NKAIN2: variants seen among roughly 807,000 people sequenced by gnomAD.
NKAIN2 encodes the protein sodium/potassium transporting ATPase interacting 2, also known as sodium/potassium-transporting ATPase subunit beta-1-interacting protein 2.
Under a neutral mutation model 32.6 loss-of-function variants are expected in NKAIN2, and 14 were observed. That is an observed-to-expected ratio of 0.43 (90% confidence interval 0.28 to 0.67). The LOEUF (loss-of-function observed/expected upper bound fraction) is 0.67. Ranked by LOEUF, NKAIN2 falls within the 30% of genes least tolerant of loss-of-function variation. The pLI, the probability that NKAIN2 is intolerant of heterozygous loss-of-function variation, is 0.17. For missense variants in NKAIN2, 198 were observed against 258.3 expected (o/e 0.77, Z 1.60); for synonymous variants, 80 against 87.2 (o/e 0.92, Z 0.46).
chr6:124,452,114 G>A (rs1776131359), intron 3 of NKAIN2, among the ~76,000 whole-genome samples: 1 of 151,344 alleles, frequency 6.6e-6, no homozygotes, highest in African/African-American at 2.4e-5. Context: ...AGGACCACTT[G>A]AGCCTGGGAG....
intron 1 of NKAIN2, among the ~76,000 whole-genome samples, chr6:124,022,191 A>G (rs1459221663): frequency 1.3e-5 from 2 of 152,068 alleles, no homozygotes; most frequent in African/African-American, 4.8e-5. Context: ...GATGATTTCC[A>G]GCTTCATCCA....
intron 2 of NKAIN2, among the ~76,000 whole-genome samples, chr6:124,316,465 C>T (rs1370999430): frequency 1.3e-5 from 2 of 152,052 alleles, no homozygotes; most frequent in Non-Finnish European, 2.9e-5. Context: ...GATATAACCG[C>T]ATTTCTCATT....
intron 3 of NKAIN2, among the ~76,000 whole-genome samples, chr6:124,604,394 T>C (rs1356555145): frequency 6.6e-6 from 1 of 152,052 alleles, no homozygotes; most frequent in Non-Finnish European, 1.5e-5. Flanking sequence ...ATTTATGTTT[T>C]ATCTACATAT....
At chr6:124,342,414 A>C (rs1043684383) in intron 2 of NKAIN2, among the ~76,000 whole-genome samples, 17 of 151,092 alleles carry the variant, frequency 1.1e-4, no homozygotes, top group African/African-American at 3.9e-4. Context: ...ATCTCAAAAA[A>C]AAAAAAAACA....
At chr6:124,614,086 C>T (rs950187595) in intron 3 of NKAIN2, among the ~76,000 whole-genome samples, 63 of 152,112 alleles carry the variant, frequency 4.1e-4, no homozygotes, top group African/African-American at 1.4e-3. Flanking sequence ...TTTTTCTCCT[C>T]TCTTATTTTT....
chr6:123,949,274 T>A lies in NKAIN2; in HGVS notation c.54+145020T>A, dbSNP rs529257423. ...TTGTTCTTTTTGCTCAGGATTTCTT[T>A]GGCTATGCAGGGTCTTTTTGGTTTC... On this transcript the variant is annotated intron_variant, in intron 1 of 6. Coordinates refer to ENST00000368417, the MANE Select transcript of NKAIN2 (RefSeq NM_001040214.3). Among the ~76,000 whole-genome samples the A allele has an allele frequency of 3.9e-5, 6 of 152,192 alleles. No homozygotes were observed. The South Asian group carries it at 1.2e-3, about 32-fold the overall frequency.
At chr6:124,396,593 C>T (rs1192898029) in intron 3 of NKAIN2, among the ~76,000 whole-genome samples, 1 of 151,966 alleles carries the variant, frequency 6.6e-6, no homozygotes, top group Non-Finnish European at 1.5e-5. Flanking sequence ...TGTCATTCTG[C>T]CTTACTTAAA....
Position 124,283,108 on chromosome 6 carries a change from G to T in NKAIN2, c.158G>T (p.Gly53Val). Reference sequence around the variant, plus strand: ...ATTATCGTCATTCTTGGTTTGTTTGGAACTATTCAATATAGACCTCGTTAC... The same window carrying T: ...ATTATCGTCATTCTTGGTTTGTTTGTAACTATTCAATATAGACCTCGTTAC... Reference protein sequence around the residue: ...HIIIVILGLFGTIQYRPRYIT... With the variant: ...HIIIVILGLFVTIQYRPRYIT... The change falls in exon 2 of 7, where the codon GGA becomes GTA. Residue 53 changes from glycine to valine, a missense_variant. By Grantham distance (109) the Gly-to-Val change is moderately radical. Coordinates refer to ENST00000368417, the MANE Select transcript of NKAIN2 (RefSeq NM_001040214.3). 6.2e-7 allele frequency: 1 copy of T among 1,610,592 alleles called. No individual in the cohort carries two copies. Among genetic ancestry groups the T allele is most frequent in the Non-Finnish European group, 8.5e-7 (1 of 1,176,950 alleles).
intron 1 of NKAIN2, among the ~76,000 whole-genome samples, chr6:124,217,678 T>C (rs752559974): frequency 5.5e-4 from 83 of 152,128 alleles, no homozygotes; most frequent in Non-Finnish European, 1.1e-3. Flanking sequence ...CTCGACTGCA[T>C]GAATAAATGA....
At position 124,206,334 on chromosome 6, in the gene NKAIN2, T is replaced by G. The variant is rs1053913291; in HGVS notation, c.55-76671T>G. On this transcript the variant is annotated intron_variant, in intron 1 of 6. Transcript: ENST00000368417. ...CAAAATATATATAGCAAAATAAAGATTAAGCGCATAAAACAAGCCTGAGAG... is the reference window on the plus strand; with the variant it reads ...CAAAATATATATAGCAAAATAAAGAGTAAGCGCATAAAACAAGCCTGAGAG... Among the ~76,000 whole-genome samples, 37 of 151,922 alleles carry G rather than the reference T, an allele frequency of 2.4e-4. 1 individual carries two copies. Among genetic ancestry groups the G allele is most frequent in the Middle Eastern group, 3.2e-3 (1 of 316 alleles).
At chr6:124,401,630 A>ATC (rs1773630215) in intron 3 of NKAIN2, among the ~76,000 whole-genome samples, 1 of 152,090 alleles carries the variant, frequency 6.6e-6, no homozygotes, top group East Asian at 1.9e-4. Context: ...TCTGCTGCAT[A>ATC]TGTTGTGTAA....
At chr6:124,068,792 CAT>C (rs1207601897) in intron 1 of NKAIN2, among the ~76,000 whole-genome samples, 1 of 151,954 alleles carries the variant, frequency 6.6e-6, no homozygotes, top group East Asian at 1.9e-4. Flanking sequence ...GTAACTACAC[CAT>C]ATGTCTTTTG....
chr6:123,918,507 TGCAACCAGGTTGGTG>T (rs1775599471), intron 1 of NKAIN2, among the ~76,000 whole-genome samples: 1 of 152,236 alleles, frequency 6.6e-6, no homozygotes, highest in Non-Finnish European at 1.5e-5. Flanking sequence ...TTTCATCAAT[TGCAACCAGGTTGGTG>T]GCTACTGTGT....
chr6:123,977,989 A>G (rs1195218874), intron 1 of NKAIN2, among the ~76,000 whole-genome samples: 2 of 152,324 alleles, frequency 1.3e-5, no homozygotes, highest in African/African-American at 2.4e-5. Context: ...TGAAGAACAA[A>G]TACAAAAATG....
intron 1 of NKAIN2, among the ~76,000 whole-genome samples, chr6:124,257,627 C>T (rs1794010855): frequency 6.6e-6 from 1 of 152,048 alleles, no homozygotes; most frequent in Non-Finnish European, 1.5e-5. Flanking sequence ...CTCTAATTTC[C>T]AGGATATAAG....
At chr6:124,023,103 GTATA>G (rs1356938531) in intron 1 of NKAIN2, among the ~76,000 whole-genome samples, 1 of 150,768 alleles carries the variant, frequency 6.6e-6, no homozygotes, top group African/African-American at 2.4e-5. Flanking sequence ...TATATAAAAA[GTATA>G]TATTTCTTTT....
chr6:123,966,303 G>A (rs1446507125), intron 1 of NKAIN2, among the ~76,000 whole-genome samples: 1 of 152,040 alleles, frequency 6.6e-6, no homozygotes, highest in Non-Finnish European at 1.5e-5. Context: ...CTTCCCTCCT[G>A]CATTTACTCA....
chr6:124,614,477 C>G (rs991464529), intron 3 of NKAIN2, among the ~76,000 whole-genome samples: 1 of 152,204 alleles, frequency 6.6e-6, no homozygotes, highest in African/African-American at 2.4e-5. Context: ...TCTTAAATCT[C>G]TTAGTCTCTA....
chr6:124,130,135 A>C (rs1786391625), intron 1 of NKAIN2, among the ~76,000 whole-genome samples: 1 of 152,078 alleles, frequency 6.6e-6, no homozygotes, highest in South Asian at 2.1e-4. Context: ...TGCGGTTAGG[A>C]TAAGGGAGTA....
Sources: allele counts gnomAD v4.1 joint callset (sites outside exome capture counted in the v4.1 genomes callset), GRCh38; gene constraint gnomAD v4.1.1; transcripts MANE v1.5; gene names NCBI Gene and HGNC (gene_info 2026-07-23, HGNC 2026-07-21).